PARP12: variants seen among roughly 807,000 people sequenced by gnomAD.
PARP12 encodes poly(ADP-ribose) polymerase family member 12, also known as protein mono-ADP-ribosyltransferase PARP12.
PARP12 carries 59 observed loss-of-function variants against 72.4 expected under a neutral mutation model. That is an observed-to-expected ratio of 0.81 (90% confidence interval 0.66 to 1.01). PARP12 has a LOEUF of 1.01. Among genes scored for constraint, PARP12 ranks in the 50% least tolerant of loss-of-function variants. PARP12 has a pLI of 0.00. For synonymous variants in PARP12, 403 were observed against 371.4 expected (o/e 1.09, Z -0.98); for missense variants, 851 against 914.0 (o/e 0.93, Z 0.89).
chr7:140,057,472 A>C, intron 2 of PARP12: 1 of 412,358 alleles, frequency 2.4e-6, no homozygotes. Flanking sequence ...GACCTCTACA[A>C]TCTACCTATA....
In PARP12 at chr7:140,062,907, T is replaced by G; in HGVS notation, c.-60A>C. 2 of 1,195,180 alleles carry G rather than the reference T, an allele frequency of 1.7e-6. No homozygotes were observed. Among genetic ancestry groups the G allele is most frequent in the Non-Finnish European group, 1.0e-6 (1 of 960,978 alleles). 74.0% of individuals were successfully genotyped at this position (1,195,180 alleles called of 1,614,324 possible). ...GCGCGACGCGGACGGCGGCGGACGC[T>G]GGCTGGCGGGCGGCTCTCGCAGGGT... On this transcript the variant is annotated 5_prime_UTR_variant, in exon 1 of 12. Transcript: ENST00000263549.
chr7:140,028,417 T>C lies in PARP12; in HGVS notation c.1497+196A>G, dbSNP rs1188715471. On this transcript the variant is annotated intron_variant, in intron 9 of 11. Transcript: ENST00000263549. ...CCCTCCCCTCAGAGCCACAGCCAAC[T>C]CCTGGGTGGTGAAAAAACAAAACCC... Among the ~76,000 whole-genome samples, 3 of 152,054 alleles carry C rather than the reference T, an allele frequency of 2.0e-5. No individual in the cohort carries two copies. In the East Asian group the frequency reaches 5.8e-4, roughly 29 times the overall value.
At chr7:140,062,323 T>G (rs1384899876) in intron 1 of PARP12, among the ~76,000 whole-genome samples, 199 bp downstream of exon 1, 2 of 149,892 alleles carry the variant, frequency 1.3e-5, no homozygotes, top group Non-Finnish European at 3.0e-5. Flanking sequence ...AGGACCCCAC[T>G]CGACCCTGAG....
In PARP12 at chr7:140,038,094, G is replaced by A. The variant is rs1198970879; in HGVS notation, c.1183-238C>T. ...AGTAAATATGGGTCCTGCTGAGCAGGAAGACAGGGATGGGAGCAACGGAGA... is the reference window on the plus strand; with the variant it reads ...AGTAAATATGGGTCCTGCTGAGCAGAAAGACAGGGATGGGAGCAACGGAGA... On this transcript the variant is annotated intron_variant, in intron 6 of 11. Coordinates refer to ENST00000263549, the MANE Select transcript of PARP12 (RefSeq NM_022750.4). The A allele has an allele frequency of 5.1e-6, 5 of 985,312 alleles. No individual in the cohort carries two copies. In the African/African-American group the frequency reaches 5.2e-5, roughly 10 times the overall value. The allele number at this position is 985,312 out of a possible 1,614,324, so 61.0% of individuals were successfully genotyped here.
rs371072697 is a variant in PARP12, at chr7:140,024,637, A to G, written c.2029T>C (p.Tyr677His). Residue 677 changes from tyrosine (Y) to histidine (H), a missense_variant, in exon 12 of 12, where the codon TAC becomes CAC. Tyr to His is a moderately conservative substitution (Grantham distance 83, BLOSUM62 2). Coordinates refer to ENST00000263549, the MANE Select transcript of PARP12 (RefSeq NM_022750.4). ...HQVYPEYVIQ[Y>H]TTSSKPSVTP... Reference sequence around the variant, plus strand: ...ACCGAGGGCTTGGAGGAGGTGGTGTACTGGATGACATACTCTGGGTAGACC... The same window carrying G: ...ACCGAGGGCTTGGAGGAGGTGGTGTGCTGGATGACATACTCTGGGTAGACC... The G allele has an allele frequency of 5.6e-6, 9 of 1,614,158 alleles. No individual in the cohort carries two copies. The highest frequency in any genetic ancestry group is 6.8e-6 in the Non-Finnish European group (8 of 1,180,030).
At chr7:140,046,775 G>T in intron 5 of PARP12, 109 bp downstream of exon 5, 1 of 1,161,250 alleles carries the variant, frequency 8.6e-7, no homozygotes, top group Non-Finnish European at 1.2e-6. Flanking sequence ...AGAAGCCCAG[G>T]CACCTCCAGA....
At chr7:140,043,264 A>C (rs1158245223) in intron 5 of PARP12, among the ~76,000 whole-genome samples, 1 of 152,202 alleles carries the variant, frequency 6.6e-6, no homozygotes, top group African/African-American at 2.4e-5. Context: ...CAAAATGTGG[A>C]AACAAAGACA....
rs771879349 is a variant in PARP12, at chr7:140,057,117, C to G, written c.499G>C (p.Gly167Arg). Residue 167 changes from glycine (G) to arginine (R), a missense_variant, in exon 3 of 12, where the codon GGC (glycine) becomes CGC (arginine). Physicochemically the swap from Gly to Arg is moderately radical, Grantham distance 125. This residue lies in a region of PARP12 where 492 missense variants were observed against 489.3 expected (regional missense o/e 1.01). Transcript: ENST00000263549. ...QHYNKGDGPHGSCAFQKQCIK... is the reference protein window; with the variant it reads ...QHYNKGDGPHRSCAFQKQCIK... ...CACTGCTTTTGAAAGGCACAAGAGC[C>G]GTGGGGTCCATCTCCTTTGTTGTAA... The G allele has an allele frequency of 3.1e-6, 5 of 1,613,848 alleles. No homozygotes were observed. The highest frequency in any genetic ancestry group is 2.7e-5 in the African/African-American group (2 of 74,860).
At chr7:140,050,194 T>C (rs1255205706) in intron 4 of PARP12, among the ~76,000 whole-genome samples, 3 of 151,706 alleles carry the variant, frequency 2.0e-5, no homozygotes, top group African/African-American at 7.3e-5. Flanking sequence ...ACCACAGAAG[T>C]AGAAAAGATC....
intron 11 of PARP12, chr7:140,025,215 A>C (rs774991719): frequency 4.9e-5 from 17 of 346,224 alleles, no homozygotes; most frequent in Non-Finnish European, 8.8e-5. Flanking sequence ...TCAGGCATAA[A>C]ATGGGGCTGT....
intron 11 of PARP12, among the ~76,000 whole-genome samples, chr7:140,025,086 G>A (rs757212776): frequency 2.6e-5 from 4 of 152,142 alleles, no homozygotes; most frequent in Admixed American, 1.3e-4. Flanking sequence ...CTTCTGAGTG[G>A]CAGCATCTGA....
At chr7:140,047,128 A>AG (rs2116614965) in intron 4 of PARP12, 121 bp from the exon 5 acceptor site, 1 of 1,208,258 alleles carries the variant, frequency 8.3e-7, no homozygotes, top group Non-Finnish European at 1.1e-6. Flanking sequence ...TGTGTGGTGG[A>AG]GTCTGTTTTT....
intron 8 of PARP12, among the ~76,000 whole-genome samples, chr7:140,029,929 A>G (rs988549873): frequency 2.0e-5 from 3 of 152,228 alleles, no homozygotes; most frequent in African/African-American, 7.2e-5. Flanking sequence ...CTTGAATATG[A>G]TCAGAACCTA....
intron 4 of PARP12, 74 bp from the exon 5 acceptor site, chr7:140,047,081 G>A (rs532188272): frequency 3.7e-4 from 552 of 1,490,434 alleles, no homozygotes; most frequent in Non-Finnish European, 4.8e-4. Flanking sequence ...TTGTCAACAG[G>A]TGTGGTGCTG....
At chr7:140,042,387 T>A (rs1816514904) in intron 5 of PARP12, among the ~76,000 whole-genome samples, 1 of 152,230 alleles carries the variant, frequency 6.6e-6, no homozygotes, top group African/African-American at 2.4e-5. Flanking sequence ...CTGCACAGCC[T>A]GCACCTGAGC....
At chr7:140,029,644 G>GA (rs1005035993) in intron 8 of PARP12, among the ~76,000 whole-genome samples, 108 of 148,664 alleles carry the variant, frequency 7.3e-4, no homozygotes, top group African/African-American at 2.4e-3. Context: ...ATGTTTAAAG[G>GA]AAAAAAAAAG....
chr7:140,027,452 A>G (rs371136921), intron 9 of PARP12, 46 bp from the exon 10 acceptor site: 6 of 1,603,078 alleles, frequency 3.7e-6, no homozygotes, highest in Non-Finnish European at 5.1e-6. Context: ...AACGTGCAGA[A>G]TATAAATCAG....
At chr7:140,039,853 C>T (rs1389038688) in intron 6 of PARP12, among the ~76,000 whole-genome samples, 1 of 152,140 alleles carries the variant, frequency 6.6e-6, no homozygotes, top group Non-Finnish European at 1.5e-5. Flanking sequence ...ATATCAATAA[C>T]ATCCACACGC....
chr7:140,036,881 A>G (rs1816223637), intron 7 of PARP12, among the ~76,000 whole-genome samples: 1 of 152,228 alleles, frequency 6.6e-6, no homozygotes, highest in South Asian at 2.1e-4. Flanking sequence ...AGGGTGGCCT[A>G]TTTCTCTCTG....
Sources: allele counts gnomAD v4.1 joint callset (sites outside exome capture counted in the v4.1 genomes callset), GRCh38; gene constraint gnomAD v4.1.1; regional missense constraint gnomAD v4.1.1; transcripts MANE v1.5; gene names NCBI Gene and HGNC (gene_info 2026-07-23, HGNC 2026-07-21).